Variants in ZMYM2 observed in about 807,000 individuals in gnomAD.
ZMYM2 encodes zinc finger MYM-type containing 2, also known as zinc finger MYM-type protein 2.
ZMYM2 carries 56 observed loss-of-function variants against 162.8 expected under a neutral mutation model. The ratio of observed to expected loss-of-function variants is 0.34; its 90% CI spans 0.28 to 0.43. ZMYM2 has a LOEUF of 0.43. ZMYM2 is among the 20% of genes least tolerant of loss of function. The probability of loss-of-function intolerance (pLI) is 1.00; values close to 1 mark genes in which losing one functional copy is unlikely to be tolerated. For missense variants in ZMYM2, 1,275 were observed against 1,621.8 expected, an observed-to-expected ratio of 0.79 and a Z score of 3.67; for synonymous variants, 510 against 541.6, an observed-to-expected ratio of 0.94 and a Z score of 0.81.
chr13:20,054,854 ATTC>A (rs1955660751), intron 14 of ZMYM2, among the ~76,000 whole-genome samples: 2 of 152,256 alleles, frequency 1.3e-5, no homozygotes, highest in South Asian at 2.1e-4. Context: ...TTGCTAAGTT[ATTC>A]TTTCCATTAT....
At chr13:19,948,397 G>A in the ZMYM2 span, among the ~76,000 whole-genome samples, 1 of 152,154 alleles carries the variant, frequency 6.6e-6, no homozygotes, top group Non-Finnish European at 1.5e-5. Context: ...GTACATCCAG[G>A]CAACACAATA....
At chr13:19,877,006 C>T in the ZMYM2 span, among the ~76,000 whole-genome samples, 3 of 152,070 alleles carry the variant, frequency 2.0e-5, no homozygotes, top group South Asian at 2.1e-4. Flanking sequence ...GGGCGGATCA[C>T]GAGGTCAGGA....
chr13:19,934,767 C>CTTTTTTTTT, the ZMYM2 span, among the ~76,000 whole-genome samples: 1 of 147,348 alleles, frequency 6.8e-6, no homozygotes, highest in African/African-American at 2.6e-5. Flanking sequence ...TTCTTTCTTT[C>CTTTTTTTTT]TTTCTTTTTT....
At chr13:19,954,894 T>G (rs1177619899), upstream of ZMYM2, among the ~76,000 whole-genome samples, 1 of 151,702 alleles carries the variant, frequency 6.6e-6, no homozygotes, top group Non-Finnish European at 1.5e-5. Flanking sequence ...CAATACAACC[T>G]CTGCCTGCCG....
In ZMYM2 at chr13:20,064,536, T is replaced by TA. The variant is rs753611080; in HGVS notation, c.3131dup (p.Ala1046SerfsTer13). ...ATGAGGAACAGCCCAGACCTCGATC[T>TA]AAAAAAAAGGTACATTCACTTAATA... On this transcript the variant is annotated frameshift_variant, in exon 19 of 25. Coordinates refer to ENST00000610343, the MANE Select transcript of ZMYM2 (RefSeq NM_197968.4). LOFTEE classifies it high-confidence loss of function. 2.2e-5 allele frequency: 35 copies of TA among 1,572,704 alleles called. No homozygotes were observed. Among genetic ancestry groups the TA allele is most frequent in the South Asian group, 1.4e-4 (12 of 84,720 alleles).
the ZMYM2 span, among the ~76,000 whole-genome samples, chr13:19,896,759 T>C: frequency 1.1e-4 from 11 of 104,264 alleles, no homozygotes; most frequent in East Asian, 2.8e-3. Flanking sequence ...AGACTCCATC[T>C]CAAAAAAAAA....
chr13:19,897,646 C>A, the ZMYM2 span, among the ~76,000 whole-genome samples: 2 of 151,554 alleles, frequency 1.3e-5, no homozygotes, highest in Non-Finnish European at 2.9e-5. Flanking sequence ...GCAAGGGTGA[C>A]TATACTAATA....
chr13:20,012,490 A>T (rs1225050354), intron 6 of ZMYM2, among the ~76,000 whole-genome samples: 1 of 152,032 alleles, frequency 6.6e-6, no homozygotes, highest in Non-Finnish European at 1.5e-5. Flanking sequence ...GGAAGTCTTA[A>T]ATTTTGATTT....
At chr13:20,000,896 A>T (rs1316625693) in intron 3 of ZMYM2, among the ~76,000 whole-genome samples, 4 of 152,258 alleles carry the variant, frequency 2.6e-5, no homozygotes, top group African/African-American at 9.6e-5. Flanking sequence ...GTAAATTAAA[A>T]GCCTTCTGGA....
intron 12 of ZMYM2, among the ~76,000 whole-genome samples, chr13:20,047,992 T>C (rs259793): frequency 0.98 from 149,572 of 152,144 alleles, 73,573 homozygotes; most frequent in Middle Eastern, 1. Flanking sequence ...AATTTAGTAT[T>C]GTAATACAAT....
At chr13:19,971,992 C>T (rs888339698) in intron 2 of ZMYM2, among the ~76,000 whole-genome samples, 6 of 151,794 alleles carry the variant, frequency 4.0e-5, no homozygotes, top group African/African-American at 1.5e-4. Flanking sequence ...GATGAGATCC[C>T]CAAAGAAAGT....
chr13:19,875,686 G>A, the ZMYM2 span, among the ~76,000 whole-genome samples: 3 of 145,748 alleles, frequency 2.1e-5, no homozygotes, highest in African/African-American at 7.6e-5. Flanking sequence ...CAACATGGAA[G>A]CAGCTGGAGG....
intron 12 of ZMYM2, 130 bp downstream of exon 12, chr13:20,037,039 T>C: frequency 1.3e-6 from 1 of 755,344 alleles, no homozygotes; most frequent in Non-Finnish European, 1.9e-6. Flanking sequence ...CTGATAATAC[T>C]ATTCATTAAA....
At chr13:19,966,472 G>A (rs1196863571) in intron 2 of ZMYM2, among the ~76,000 whole-genome samples, 1 of 146,098 alleles carries the variant, frequency 6.8e-6, no homozygotes, top group Non-Finnish European at 1.5e-5. Context: ...TTTTTTTTTG[G>A]ATACAGAGTT....
Position 19,996,512 on chromosome 13 carries a change from AG to A in ZMYM2, c.847+2595del, listed in dbSNP as rs368725325. 1.1e-3 allele frequency among the ~76,000 whole-genome samples: 171 copies of A among 152,230 alleles called. 1 individual carries two copies. In the Middle Eastern group the frequency reaches 0.017, roughly 15 times the overall value. On this transcript the variant is annotated intron_variant, in intron 3 of 24. Transcript: ENST00000610343. ...GAGGTCAAGGTGGACGGATCATCTG[AG>A]GTCAGGAGTTTGAGACCAGCCTGGC...
chr13:19,931,590 G>A, the ZMYM2 span, among the ~76,000 whole-genome samples: 3 of 152,020 alleles, frequency 2.0e-5, no homozygotes, highest in Non-Finnish European at 4.4e-5. Context: ...TTTTCAGATT[G>A]GCTTCTTTCA....
intron 13 of ZMYM2, 59 bp downstream of exon 13, chr13:20,051,657 T>G: frequency 6.7e-7 from 1 of 1,492,880 alleles, no homozygotes; most frequent in Non-Finnish European, 9.0e-7. Flanking sequence ...TACGTAGTTT[T>G]GAATCCAAAG....
chr13:20,062,900 C>G lies in ZMYM2; in HGVS notation c.2966C>G (p.Pro989Arg), dbSNP rs998269924. Residue 989 changes from proline to arginine, a missense_variant, in exon 18 of 25, where the codon CCA becomes CGA. This residue lies in a region of ZMYM2 where 229 missense variants were observed against 283.8 expected (regional missense o/e 0.81). Transcript: ENST00000610343. ...IGSDLLKNSD[P>R]ETQSSMPDVP... ...TCAGACCTTTTGAAGAACTCTGACC[C>G]AGAGACACAGTCCAGCATGCCTGAT... 3 of 1,599,286 alleles carry G rather than the reference C, an allele frequency of 1.9e-6. No individual in the cohort carries two copies. Among genetic ancestry groups the G allele is most frequent in the South Asian group, 2.3e-5 (2 of 88,886 alleles).
chr13:19,885,914 T>TGTGTATAC, the ZMYM2 span, among the ~76,000 whole-genome samples: 6 of 37,896 alleles, frequency 1.6e-4, 2 homozygotes, highest in African/African-American at 3.4e-4. Flanking sequence ...TATATGTATA[T>TGTGTATAC]ACACATATAT....
Sources: gnomAD v4.1 joint callset for allele counts (sites outside exome capture counted in the v4.1 genomes callset) on GRCh38, gnomAD v4.1.1 for gene constraint, gnomAD v4.1.1 regional missense constraint, MANE v1.5 for transcripts, NCBI Gene and HGNC (gene_info 2026-07-23, HGNC 2026-07-21) for gene names.